PTGR2: variants seen among roughly 807,000 people sequenced by gnomAD.
PTGR2 encodes prostaglandin reductase 2, also known as 15-oxoprostaglandin 13-reductase.
PTGR2 carries 32 observed loss-of-function variants against 43.4 expected under a neutral mutation model. The ratio of observed to expected loss-of-function variants is 0.74; its 90% CI spans 0.56 to 0.99. PTGR2 has a LOEUF of 0.99. Among genes scored for constraint, PTGR2 ranks in the 50% least tolerant of loss-of-function variants. The pLI, the probability that PTGR2 is intolerant of heterozygous loss-of-function variation, is 0.00. For synonymous variants in PTGR2, 106 were observed against 139.2 expected (o/e 0.76, Z 1.68); for missense variants, 373 against 420.0 (o/e 0.89, Z 0.98).
At chr14:73,878,699 C>T (rs770868166) in intron 5 of PTGR2, 25 of 404,100 alleles carry the variant, frequency 6.2e-5, no homozygotes, top group Middle Eastern at 8.6e-4. Context: ...TGGTACTCTA[C>T]GGTGTACTGT....
At chr14:73,867,583 G>A (rs755065012) in intron 3 of PTGR2, among the ~76,000 whole-genome samples, 8 of 151,832 alleles carry the variant, frequency 5.3e-5, no homozygotes, top group African/African-American at 9.7e-5. Flanking sequence ...TCTTCACTTC[G>A]AACACTCCCA....
intron 3 of PTGR2, among the ~76,000 whole-genome samples, chr14:73,872,920 T>C (rs918543364): frequency 1.3e-5 from 2 of 151,592 alleles, no homozygotes; most frequent in African/African-American, 2.4e-5. Flanking sequence ...GAGGTTGCAC[T>C]GAGCCCAGAT....
chr14:73,883,081 A>T (rs2055033466), intron 9 of PTGR2, among the ~76,000 whole-genome samples: 3 of 150,984 alleles, frequency 2.0e-5, no homozygotes, highest in Admixed American at 2.0e-4. Flanking sequence ...TCGGCCTCTC[A>T]AAGTGCTGGG....
At chr14:73,871,998 G>A (rs955593261) in intron 3 of PTGR2, among the ~76,000 whole-genome samples, 8 of 152,066 alleles carry the variant, frequency 5.3e-5, no homozygotes, top group African/African-American at 1.4e-4. Flanking sequence ...TCTTTTACCC[G>A]TTTTACCTGG....
Position 73,860,606 on chromosome 14 carries a change from T to C in PTGR2, c.105T>C (p.Asn35=), listed in dbSNP as rs770472856. The C allele has an allele frequency of 1.7e-5, 27 of 1,579,940 alleles. No homozygotes were observed. Among genetic ancestry groups the C allele is most frequent in the Non-Finnish European group, 2.3e-5 (27 of 1,153,478 alleles). The change falls in exon 3 of 10, where the codon AAT becomes AAC. Residue 35 remains asparagine (N), a synonymous_variant. Transcript: ENST00000555661. ...MEEVYLPDNI[N]EGQVQVRTLY... ...AAGTCTATTTACCAGATAATATTAA[T>C]GAAGGACAAGTACAAGTTAGAACTC...
At chr14:73,860,424 G>A (rs529566242) in intron 2 of PTGR2, 115 bp from the exon 3 acceptor site, 56 of 532,058 alleles carry the variant, frequency 1.1e-4, no homozygotes, top group African/African-American at 4.9e-4. Flanking sequence ...CCGAGATCGC[G>A]CCACTGCATT....
intron 3 of PTGR2, among the ~76,000 whole-genome samples, chr14:73,871,399 AT>A (rs2140258752): frequency 8.1e-6 from 1 of 123,190 alleles, no homozygotes; most frequent in African/African-American, 3.1e-5. Context: ...TTTTTAAAAA[AT>A]TTTTATTATT....
intron 1 of PTGR2, among the ~76,000 whole-genome samples, chr14:73,852,865 G>A (rs1199632100): frequency 2.6e-5 from 4 of 152,112 alleles, no homozygotes; most frequent in African/African-American, 2.4e-5. Flanking sequence ...TCGCTCTGTT[G>A]CCCAGGCTGG....
chr14:73,880,744 A>C (rs2054967187), intron 7 of PTGR2, among the ~76,000 whole-genome samples: 1 of 152,184 alleles, frequency 6.6e-6, no homozygotes, highest in South Asian at 2.1e-4. Context: ...TGCTACCCAC[A>C]AAGGAAAAAT....
intron 1 of PTGR2, among the ~76,000 whole-genome samples, chr14:73,856,035 G>A (rs556954425): frequency 6.0e-5 from 9 of 150,980 alleles, no homozygotes; most frequent in African/African-American, 1.9e-4. Flanking sequence ...CAGCCTGGGC[G>A]ACAGAGCAAG....
chr14:73,858,665 A>C (rs979870112), intron 1 of PTGR2, 151 bp from the exon 2 acceptor site: 2 of 415,778 alleles, frequency 4.8e-6, no homozygotes, highest in Non-Finnish European at 8.8e-6. Context: ...TATTTGCTTT[A>C]GGAGGCAAAC....
chr14:73,879,267 A>C lies in PTGR2; in HGVS notation c.691A>C (p.Asn231His). Residue 231 changes from asparagine (N) to histidine (H), a missense_variant, in exon 6 of 10, where the codon AAT becomes CAT. Coordinates refer to ENST00000555661, the MANE Select transcript of PTGR2 (RefSeq NM_001146154.2). Reference sequence around the variant, plus strand: ...AGCTGGAGTGGATGTTTATTTTGACAATGTTGGTGGTAACATCAGTGATAC... The same window carrying C: ...AGCTGGAGTGGATGTTTATTTTGACCATGTTGGTGGTAACATCAGTGATAC... ...CPAGVDVYFD[N>H]VGGNISDTVI... 6.2e-7 allele frequency: 1 copy of C among 1,614,134 alleles called. No individual in the cohort carries two copies. Among genetic ancestry groups the C allele is most frequent in the Non-Finnish European group, 8.5e-7 (1 of 1,180,020 alleles).
intron 8 of PTGR2, 44 bp downstream of exon 8, chr14:73,881,336 G>T: frequency 1.7e-6 from 2 of 1,203,466 alleles, no homozygotes; most frequent in South Asian, 2.6e-5. Context: ...CCTGCTACTT[G>T]ATATAATTTT....
chr14:73,874,683 G>A (rs1428751571), intron 4 of PTGR2: 1 of 430,674 alleles, frequency 2.3e-6, no homozygotes, highest in Non-Finnish European at 4.6e-6. Context: ...ACAGGTGTGA[G>A]CTTGAAGTTT....
At chr14:73,856,269 C>T (rs945304606) in intron 1 of PTGR2, among the ~76,000 whole-genome samples, 7 of 151,408 alleles carry the variant, frequency 4.6e-5, no homozygotes, top group African/African-American at 9.7e-5. Flanking sequence ...TTTTTTGAGG[C>T]GGAGTTTCAC....
chr14:73,852,704 C>G (rs1199453491), intron 1 of PTGR2, among the ~76,000 whole-genome samples: 1 of 152,046 alleles, frequency 6.6e-6, no homozygotes, highest in Non-Finnish European at 1.5e-5. Context: ...TCAGGGAGGT[C>G]ACTGAGAAAG....
rs62003709 is a variant in PTGR2, at chr14:73,885,611, G to T, written c.*1434G>T. ...GTTACTTTTCCTGGACCATTTCATC[G>T]CCTGAGGGGGTTTCACTTTTCTCTG... On this transcript the variant is annotated 3_prime_UTR_variant, in exon 10 of 10. Coordinates refer to ENST00000555661, the MANE Select transcript of PTGR2 (RefSeq NM_001146154.2). 0.49 allele frequency: 74,394 copies of T among 151,780 alleles called. 18,437 individuals are homozygous for T. The highest frequency in any genetic ancestry group is 0.61 in the South Asian group (2,931 of 4,820). 9.4% of individuals were successfully genotyped at this position (151,780 alleles called of 1,614,324 possible).
At chr14:73,863,078 A>G (rs72627111) in intron 3 of PTGR2, among the ~76,000 whole-genome samples, 11,442 of 152,246 alleles carry the variant, frequency 0.075, 895 homozygotes, top group East Asian at 0.44. Context: ...AAAGAGTACA[A>G]CTAAATTATT....
intron 4 of PTGR2, among the ~76,000 whole-genome samples, chr14:73,875,738 C>CT (rs202193452): frequency 0.02 from 2,738 of 136,222 alleles, 57 homozygotes; most frequent in African/African-American, 0.054. Context: ...TAAGCACTTC[C>CT]TTTTTTTTTT....
Sources: allele counts gnomAD v4.1 joint callset (sites outside exome capture counted in the v4.1 genomes callset), GRCh38; gene constraint gnomAD v4.1.1; transcripts MANE v1.5; gene names NCBI Gene and HGNC (gene_info 2026-07-23, HGNC 2026-07-21).